NCOR2: variants seen among roughly 807,000 people sequenced by gnomAD.
NCOR2 encodes the protein nuclear receptor corepressor 2.
A neutral mutation model predicts 262.9 loss-of-function variants in NCOR2; 81 were observed. That is an observed-to-expected ratio of 0.31 (90% CI 0.26 to 0.37). The LOEUF is 0.37. Ranked by LOEUF, NCOR2 falls within the 10% of genes least tolerant of loss-of-function variation. The probability of loss-of-function intolerance (pLI) is 1.00; values close to 1 mark genes in which losing one functional copy is unlikely to be tolerated. For missense variants in NCOR2, 3,385 were observed against 3,621.4 expected, an observed-to-expected ratio of 0.93 and a Z score of 1.68; for synonymous variants, 1,659 against 1,559.3, an observed-to-expected ratio of 1.06 and a Z score of -1.51.
Position 124,442,903 on chromosome 12 carries a change from C to T in NCOR2, c.816-4907G>A, listed in dbSNP as rs887833802. ...AGACACACACGGAGGGGAGATGACG[C>T]GAACAGACACGGGAAGAACACCACA... is the stretch of plus-strand genomic sequence containing the variant. On this transcript the variant is annotated intron_variant, in intron 7 of 46. Transcript: ENST00000405201. Among the ~76,000 whole-genome samples the T allele has an allele frequency of 1.6e-4, 24 of 152,246 alleles. 1 individual carries two copies. The highest frequency in any genetic ancestry group is 3.9e-4 in the Admixed American group (6 of 15,286).
chr12:124,342,872 A>T, intron 33 of NCOR2, 133 bp downstream of exon 35: 1 of 927,158 alleles, frequency 1.1e-6, no homozygotes, highest in Non-Finnish European at 1.6e-6. Flanking sequence ...GGGTCTTCCA[A>T]TCCCGAGGCC....
At chr12:124,474,588 C>T (rs2047000115) in intron 3 of NCOR2, among the ~76,000 whole-genome samples, 1 of 152,156 alleles carries the variant, frequency 6.6e-6, no homozygotes, top group African/African-American at 2.4e-5. Flanking sequence ...GGTTCAAATC[C>T]CAGCCCCCTC....
rs765615986 is a variant in NCOR2, at chr12:124,422,494, G to T, written c.1383+7C>A. 6.2e-7 allele frequency: 1 copy of T among 1,613,956 alleles called. No homozygotes were observed. The highest frequency in any genetic ancestry group is 8.5e-7 in the Non-Finnish European group (1 of 1,179,992). On this transcript the variant is annotated splice_region_variant and intron_variant, in intron 12 of 46. Transcript: ENST00000405201. ...ACCGAAGGGGTATGGGGCGGGCAGC[G>T]ACTCACCTTCCTCTCCAGGAATGAT...
intron 1 of NCOR2, among the ~76,000 whole-genome samples, chr12:124,519,334 G>A (rs1566020356): frequency 6.6e-6 from 1 of 152,186 alleles, no homozygotes; most frequent in African/African-American, 2.4e-5. Flanking sequence ...AGGAGGCAGA[G>A]GAGGCTCCAC....
chr12:124,436,954 C>A (rs60634868), intron 8 of NCOR2, among the ~76,000 whole-genome samples: 3 of 152,026 alleles, frequency 2.0e-5, no homozygotes, highest in Non-Finnish European at 2.9e-5. Flanking sequence ...GGCTTGGTGG[C>A]GGGCGCCTGT....
exon 11 of NCOR2, chr12:124,426,716 T>C (rs2043573067): frequency 1.9e-6 from 3 of 1,611,266 alleles, no homozygotes; most frequent in Non-Finnish European, 2.5e-6. Flanking sequence ...AGCCCGTTCA[T>C]GTTGATGAAC....
At position 124,342,892 on chromosome 12, in the gene NCOR2, C is replaced by T. The variant is rs374425307; in HGVS notation, c.4936+113G>A. On this transcript the variant is annotated intron_variant, in intron 33 of 46. Transcript: ENST00000405201. ...TTCCAATCCCGAGGCCTCAGTTTCG[C>T]CATCCAGGGGAACCTGACAGTTGAT... The T allele has an allele frequency of 8.4e-6, 10 of 1,193,036 alleles. No individual in the cohort carries two copies. The African/African-American group carries it at 1.4e-4, about 17-fold the overall frequency. The allele number at this position is 1,193,036 out of a possible 1,614,324, so 73.9% of individuals were successfully genotyped here. A position where few individuals can be genotyped will look rare whatever the true frequency, so the allele number is the denominator to read the frequency against.
chr12:124,446,567 G>A (rs544272879), intron 7 of NCOR2, among the ~76,000 whole-genome samples: 1 of 152,186 alleles, frequency 6.6e-6, no homozygotes, highest in African/African-American at 2.4e-5. Flanking sequence ...ACTCCCCAGA[G>A]GTCCACACAG....
At chr12:124,445,091 G>A (rs1230792230) in intron 7 of NCOR2, among the ~76,000 whole-genome samples, 1 of 152,226 alleles carries the variant, frequency 6.6e-6, no homozygotes, top group Non-Finnish European at 1.5e-5. Context: ...GCTGCGAAAA[G>A]AGAAAAACGA....
intron 1 of NCOR2, among the ~76,000 whole-genome samples, chr12:124,508,192 G>T (rs879583175): frequency 3.9e-5 from 6 of 152,226 alleles, no homozygotes; most frequent in African/African-American, 1.4e-4. Context: ...CCCCACTGCC[G>T]CCTGGGCTCC....
At chr12:124,375,600 T>C (rs936753545) in intron 18 of NCOR2, among the ~76,000 whole-genome samples, 2 of 151,950 alleles carry the variant, frequency 1.3e-5, no homozygotes, top group African/African-American at 4.8e-5. Flanking sequence ...CCACCAAAAA[T>C]AAAAAATAGA....
intron 1 of NCOR2, among the ~76,000 whole-genome samples, chr12:124,502,881 G>A (rs113567285): frequency 7.2e-5 from 11 of 152,260 alleles, no homozygotes; most frequent in Middle Eastern, 3.4e-3. Flanking sequence ...TGACAGCCAC[G>A]ATTGTCAGGG....
At chr12:124,445,086 G>A (rs961918353) in intron 7 of NCOR2, among the ~76,000 whole-genome samples, 11 of 152,164 alleles carry the variant, frequency 7.2e-5, no homozygotes, top group African/African-American at 1.4e-4. Flanking sequence ...ATCAGGCTGC[G>A]AAAAGAGAAA....
chr12:124,362,136 G>T, exon 22 of NCOR2: 3 of 1,300,704 alleles, frequency 2.3e-6, no homozygotes, highest in Non-Finnish European at 2.0e-6. Flanking sequence ...CCTCCTTGTC[G>T]GCGGGGGGTG....
chr12:124,543,306 G>T (rs1010980645), intron 1 of NCOR2, among the ~76,000 whole-genome samples: 1 of 152,214 alleles, frequency 6.6e-6, no homozygotes, highest in African/African-American at 2.4e-5. Context: ...CACTGACACC[G>T]GGCATAGCGA....
intron 44 of NCOR2, chr12:124,328,456 T>C: frequency 6.6e-6 from 1 of 152,424 alleles, no homozygotes; most frequent in East Asian, 1.9e-4. Context: ...AACAAACCGG[T>C]CCCAAGAGGA....
At chr12:124,496,323 G>A (rs1045116089), upstream of NCOR2, among the ~76,000 whole-genome samples, 7 of 151,704 alleles carry the variant, frequency 4.6e-5, no homozygotes, top group African/African-American at 1.7e-4. The surrounding 1 kb of genome is among the most constrained non-coding windows in gnomAD (Gnocchi z 4.4). Context: ...CCAGACCAAG[G>A]CCCCCTCCAC....
chr12:124,327,749 G>T, intron 44 of NCOR2, 116 bp from the exon 47 acceptor site: 1 of 706,410 alleles, frequency 1.4e-6, no homozygotes, highest in Non-Finnish European at 2.4e-6. Flanking sequence ...GGAGGAGGAG[G>T]AGAGAGAAAT....
At chr12:124,518,536 C>T (rs1056442887) in intron 1 of NCOR2, among the ~76,000 whole-genome samples, 5 of 152,254 alleles carry the variant, frequency 3.3e-5, no homozygotes, top group Non-Finnish European at 5.9e-5. Context: ...AGACGTCGGG[C>T]CTCCAGCGAT....
Sources: allele counts gnomAD v4.1 joint callset (sites outside exome capture counted in the v4.1 genomes callset), GRCh38; gene constraint gnomAD v4.1.1; non-coding constraint Gnocchi (gnomAD v3.1); transcripts MANE v1.5; gene names NCBI Gene and HGNC (gene_info 2026-07-23, HGNC 2026-07-21).